The following TRPC4 variants were observed in gnomAD, a reference collection of about 807,000 sequenced individuals.
TRPC4 encodes short transient receptor potential channel 4.
In TRPC4, 49 loss-of-function variants were observed where a neutral mutation model predicts 99.4. The ratio of observed to expected loss-of-function variants is 0.49; its 90% CI spans 0.39 to 0.63. The LOEUF (loss-of-function observed/expected upper bound fraction) is 0.63, where lower values mean the gene tolerates loss of function less well. TRPC4 is among the 20% of genes least tolerant of loss of function. The probability of loss-of-function intolerance (pLI) is 0.00; values close to 1 mark genes in which losing one functional copy is unlikely to be tolerated. For synonymous variants in TRPC4, 454 were observed against 425.9 expected (o/e 1.07, Z -0.81); for missense variants, 898 against 1,152.9 (o/e 0.78, Z 3.20).
intron 5 of TRPC4, among the ~76,000 whole-genome samples, chr13:37,664,936 G>A (rs879750024): frequency 1.7e-4 from 26 of 152,222 alleles, no homozygotes; most frequent in Middle Eastern, 3.4e-3. Flanking sequence ...GACTGGCAGT[G>A]TAAAACAATC....
chr13:37,751,406 G>A (rs1049324079), intron 2 of TRPC4, among the ~76,000 whole-genome samples: 13 of 134,662 alleles, frequency 9.7e-5, no homozygotes, highest in Admixed American at 8.6e-4. Context: ...GAGAGAGAGA[G>A]AGAGAAAGAA....
intron 1 of TRPC4, among the ~76,000 whole-genome samples, chr13:37,848,034 G>T (rs188161874): frequency 6.6e-6 from 1 of 152,044 alleles, no homozygotes; most frequent in African/African-American, 2.4e-5. Flanking sequence ...AACTTACAAT[G>T]GTTCAAGTTA....
At chr13:37,819,034 CTT>C (rs1300850945) in intron 1 of TRPC4, among the ~76,000 whole-genome samples, 1 of 151,798 alleles carries the variant, frequency 6.6e-6, no homozygotes, top group East Asian at 1.9e-4. Context: ...TGAACAGACA[CTT>C]TTCAAAAAAG....
intron 10 of TRPC4, 67 bp from the exon 11 acceptor site, chr13:37,637,692 T>C: frequency 1.4e-6 from 2 of 1,446,538 alleles, no homozygotes; most frequent in South Asian, 1.4e-5. Context: ...TTTTCTCGTC[T>C]CATATATGGG....
At chr13:37,641,112 T>C (rs1342851896) in intron 8 of TRPC4, among the ~76,000 whole-genome samples, 1 of 152,194 alleles carries the variant, frequency 6.6e-6, no homozygotes, top group Admixed American at 6.6e-5. Context: ...TGATACATTT[T>C]AGTATTAAAA....
At chr13:37,662,321 A>T (rs1952475945) in intron 6 of TRPC4, among the ~76,000 whole-genome samples, 1 of 123,546 alleles carries the variant, frequency 8.1e-6, no homozygotes, top group Non-Finnish European at 1.8e-5. Flanking sequence ...AAAAAAAAAA[A>T]TTATGTTTTC....
chr13:37,642,067 G>A (rs2138548655), intron 8 of TRPC4, among the ~76,000 whole-genome samples: 1 of 152,254 alleles, frequency 6.6e-6, no homozygotes, highest in Non-Finnish European at 1.5e-5. Flanking sequence ...TGCTTGTGGA[G>A]CATTTCCTTC....
intron 2 of TRPC4, among the ~76,000 whole-genome samples, chr13:37,767,443 T>G (rs1956408624): frequency 6.6e-6 from 1 of 151,284 alleles, no homozygotes; most frequent in South Asian, 2.1e-4. Context: ...CAGACTTGTA[T>G]AGAATATTGC....
At chr13:37,828,842 G>A (rs1174019390) in intron 1 of TRPC4, among the ~76,000 whole-genome samples, 1 of 152,124 alleles carries the variant, frequency 6.6e-6, no homozygotes, top group Non-Finnish European at 1.5e-5. Context: ...GATGGTGTTT[G>A]GTGGGACTAG....
intron 4 of TRPC4, among the ~76,000 whole-genome samples, chr13:37,683,134 A>G (rs908087166): frequency 6.6e-6 from 1 of 151,920 alleles, no homozygotes; most frequent in African/African-American, 2.4e-5. Context: ...CACCAATACT[A>G]CTGCCTCCCT....
chr13:37,774,896 G>A (rs991984003), intron 2 of TRPC4, among the ~76,000 whole-genome samples: 8 of 151,686 alleles, frequency 5.3e-5, no homozygotes, highest in African/African-American at 1.7e-4. Context: ...ATATTAACAT[G>A]TTATGTATTC....
chr13:37,682,492 G>C (rs1953282381), intron 4 of TRPC4, among the ~76,000 whole-genome samples: 1 of 152,170 alleles, frequency 6.6e-6, no homozygotes, highest in East Asian at 1.9e-4. Flanking sequence ...TTAAGGGGCA[G>C]CTCCTGTTCT....
At chr13:37,686,184 A>T (rs1332778365) in intron 4 of TRPC4, among the ~76,000 whole-genome samples, 1 of 152,096 alleles carries the variant, frequency 6.6e-6, no homozygotes, top group Non-Finnish European at 1.5e-5. Context: ...TTCAGCGGTG[A>T]GGCTGAAAAT....
intron 1 of TRPC4, among the ~76,000 whole-genome samples, chr13:37,859,028 A>C (rs1959198852): frequency 6.6e-6 from 1 of 151,408 alleles, no homozygotes; most frequent in Non-Finnish European, 1.5e-5. Context: ...CCTGCATCAA[A>C]ATATCTCTTG....
At chr13:37,716,203 A>C (rs1360623) in intron 3 of TRPC4, among the ~76,000 whole-genome samples, 58,624 of 152,002 alleles carry the variant, frequency 0.39, 12,151 homozygotes, top group Non-Finnish European at 0.47. Flanking sequence ...CTTCCTGCAT[A>C]GTTTCTTAGA....
chr13:37,799,753 C>T (rs757423953), intron 1 of TRPC4, among the ~76,000 whole-genome samples: 1 of 152,202 alleles, frequency 6.6e-6, no homozygotes, highest in Non-Finnish European at 1.5e-5. Flanking sequence ...ACTAAATGCA[C>T]AACCCAAGAA....
In TRPC4 at chr13:37,758,621, A is replaced by G. The variant is rs116865997; in HGVS notation, c.379-12166T>C. 2.0e-3 allele frequency among the ~76,000 whole-genome samples: 307 copies of G among 151,908 alleles called. 11 individuals carry two copies. In the East Asian group the frequency reaches 0.055, roughly 27 times the overall value. The stretch of plus-strand genomic sequence containing the variant: ...CCTGTTTGGCAAATTACATGGTCAT[A>G]TATTTTGAAAAACTAAGAGACTTCA... On this transcript the variant is annotated intron_variant, in intron 2 of 10. Transcript: ENST00000379705.
Position 37,851,352 on chromosome 13 carries a change from T to G in TRPC4, c.-28+18243A>C, listed in dbSNP as rs531582606. On this transcript the variant is annotated intron_variant, in intron 1 of 10. Transcript: ENST00000379705. The stretch of plus-strand genomic sequence containing the variant: ...TTAAATAAAAAAGTATGAGACATTT[T>G]AATTTAAAAATTCTTAACAAACAGA... Among the ~76,000 whole-genome samples the G allele has an allele frequency of 2.6e-5, 4 of 152,318 alleles. No homozygotes were observed. In the South Asian group the frequency reaches 8.3e-4, roughly 32 times the overall value.
chr13:37,769,522 G>A (rs1190433978), intron 2 of TRPC4, among the ~76,000 whole-genome samples: 1 of 151,324 alleles, frequency 6.6e-6, no homozygotes, highest in Non-Finnish European at 1.5e-5. Context: ...GCTACATTTT[G>A]TTTGGTGATT....
Sources: gnomAD v4.1 joint callset for allele counts (sites outside exome capture counted in the v4.1 genomes callset) on GRCh38, gnomAD v4.1.1 for gene constraint, MANE v1.5 for transcripts, NCBI Gene and HGNC (gene_info 2026-07-23, HGNC 2026-07-21) for gene names.